The following INTS4 variants were observed in gnomAD, a reference collection of about 807,000 sequenced individuals.
The protein encoded by INTS4 is MSTP093.
A neutral mutation model predicts 119.5 loss-of-function variants in INTS4; 70 were observed. That is an observed-to-expected ratio of 0.59 (90% CI 0.48 to 0.71). The LOEUF is 0.71. INTS4 is among the 30% of genes least tolerant of loss of function. INTS4 has a pLI of 0.00. For synonymous variants in INTS4, 316 were observed against 419.6 expected, an observed-to-expected ratio of 0.75 and a Z score of 3.02; for missense variants, 867 against 1,173.2, an observed-to-expected ratio of 0.74 and a Z score of 3.81.
chr11:77,937,585 A>C (rs1953828217), intron 10 of INTS4, among the ~76,000 whole-genome samples: 1 of 152,058 alleles, frequency 6.6e-6, no homozygotes, highest in Non-Finnish European at 1.5e-5. Flanking sequence ...CTCTACAAAA[A>C]ATTAAAAAAT....
In INTS4 at chr11:77,979,115, A is replaced by T. The variant is rs769271225; in HGVS notation, c.365-13T>A. On this transcript the variant is annotated splice_polypyrimidine_tract_variant and intron_variant, in intron 3 of 22. Coordinates refer to ENST00000534064, the MANE Select transcript of INTS4 (RefSeq NM_033547.4). Reference sequence around the variant, plus strand: ...ACTTGATGAGACTCTAGAGAGGGAGATAGAAAGTTGGCTTGTAGAATTTCG... The same window carrying T: ...ACTTGATGAGACTCTAGAGAGGGAGTTAGAAAGTTGGCTTGTAGAATTTCG... 1.3e-6 allele frequency: 2 copies of T among 1,542,480 alleles called. No individual in the cohort carries two copies. Among genetic ancestry groups the T allele is most frequent in the Admixed American group, 3.3e-5 (2 of 59,826 alleles).
chr11:77,950,219 G>T (rs1394638334), intron 8 of INTS4, among the ~76,000 whole-genome samples: 2 of 152,152 alleles, frequency 1.3e-5, no homozygotes, highest in Non-Finnish European at 2.9e-5. Context: ...GACTGTCAGA[G>T]GGTGGGGGCT....
At chr11:77,944,175 T>G (rs1310616298) in intron 8 of INTS4, among the ~76,000 whole-genome samples, 1 of 152,154 alleles carries the variant, frequency 6.6e-6, no homozygotes, top group East Asian at 1.9e-4. Context: ...ATCAGAAAAT[T>G]TTTCATACTG....
chr11:77,886,042 C>CA (rs946348263), intron 21 of INTS4, among the ~76,000 whole-genome samples: 3 of 151,402 alleles, frequency 2.0e-5, no homozygotes, highest in Admixed American at 6.6e-5. Context: ...AATCTCCACA[C>CA]AAAAAAAATT....
intron 2 of INTS4, among the ~76,000 whole-genome samples, chr11:77,983,614 A>T (rs1451592602): frequency 6.6e-6 from 1 of 152,214 alleles, no homozygotes; most frequent in East Asian, 1.9e-4. Context: ...AGAAATGCAA[A>T]TCAAAACTAC....
intron 14 of INTS4, among the ~76,000 whole-genome samples, 165 bp downstream of exon 14, chr11:77,921,175 A>G (rs1287202098): frequency 1.5e-4 from 23 of 152,228 alleles, no homozygotes; most frequent in Admixed American, 1.5e-3. Context: ...GCTCACCTGT[A>G]ATCCCAGTGA....
At chr11:77,986,961 A>G (rs1856483798) in intron 2 of INTS4, 1 of 152,236 alleles carries the variant, frequency 6.6e-6, no homozygotes, top group Admixed American at 6.5e-5. Flanking sequence ...CGTTGTGCAC[A>G]TGTGCCCTAG....
intron 11 of INTS4, among the ~76,000 whole-genome samples, chr11:77,926,828 G>GAAAGGAAAGGAA (rs1953516560): frequency 6.8e-6 from 1 of 146,286 alleles, no homozygotes; most frequent in African/African-American, 2.5e-5. Flanking sequence ...AAAAAAAAAG[G>GAAAGGAAAGGAA]AAAGGAAAGG....
At chr11:77,929,920 G>A (rs1953605132) in intron 10 of INTS4, among the ~76,000 whole-genome samples, 1 of 152,138 alleles carries the variant, frequency 6.6e-6, no homozygotes, top group Admixed American at 6.5e-5. Context: ...TAGGGTATAG[G>A]TTTGGGTTCT....
intron 4 of INTS4, among the ~76,000 whole-genome samples, chr11:77,965,758 G>A (rs949175034): frequency 1.3e-5 from 2 of 152,034 alleles, no homozygotes; most frequent in African/African-American, 4.8e-5. Flanking sequence ...CCATACATTG[G>A]CTATTGTGAA....
downstream of INTS4, among the ~76,000 whole-genome samples, chr11:77,875,691 A>AAT (rs1314012588): frequency 1.3e-5 from 2 of 152,192 alleles, no homozygotes; most frequent in Non-Finnish European, 2.9e-5. Flanking sequence ...ATGTGTGAAG[A>AAT]ATATAGTATA....
At chr11:77,962,217 AG>A (rs1212371027) in intron 4 of INTS4, among the ~76,000 whole-genome samples, 3 of 152,180 alleles carry the variant, frequency 2.0e-5, no homozygotes, top group African/African-American at 7.2e-5. Context: ...TCGGAGGTGG[AG>A]GCTGCAGTGA....
chr11:77,921,293 T>C (rs1953355053), intron 14 of INTS4, 47 bp downstream of exon 14: 2 of 1,598,596 alleles, frequency 1.3e-6, no homozygotes, highest in Non-Finnish European at 1.7e-6. Context: ...AAAATAACCC[T>C]ACCCCATGCA....
intron 2 of INTS4, 82 bp downstream of exon 2, chr11:77,991,026 A>G (rs1197830052): frequency 1.7e-6 from 2 of 1,200,340 alleles, no homozygotes; most frequent in Non-Finnish European, 2.4e-6. Context: ...TGAATACCCT[A>G]TTTATTTGTA....
chr11:77,886,762 C>T (rs112173574), intron 21 of INTS4, among the ~76,000 whole-genome samples: 1,533 of 147,260 alleles, frequency 0.01, 31 homozygotes, highest in African/African-American at 0.034. Context: ...GGCGAGGGGG[C>T]GGGGCAGGGT....
At chr11:77,888,566 T>G (rs2136381532) in intron 21 of INTS4, among the ~76,000 whole-genome samples, 1 of 152,170 alleles carries the variant, frequency 6.6e-6, no homozygotes, top group African/African-American at 2.4e-5. Context: ...AGGCCAAAAT[T>G]GAGAAATGGG....
chr11:77,985,132 G>C (rs983896697), intron 2 of INTS4, among the ~76,000 whole-genome samples: 1 of 152,088 alleles, frequency 6.6e-6, no homozygotes. Flanking sequence ...AAACTGTCTT[G>C]GTTCAGGCTT....
intron 4 of INTS4, among the ~76,000 whole-genome samples, chr11:77,971,303 G>C (rs546902789): frequency 6.6e-6 from 1 of 151,318 alleles, no homozygotes; most frequent in African/African-American, 2.4e-5. Flanking sequence ...GTTTTTAATT[G>C]GGTTGTTTGT....
intron 8 of INTS4, among the ~76,000 whole-genome samples, chr11:77,953,148 T>C (rs1024420715): frequency 2.6e-5 from 4 of 152,172 alleles, no homozygotes; most frequent in Non-Finnish European, 5.9e-5. Flanking sequence ...CCATAAATAC[T>C]GGTCACAGGA....
Sources: allele counts gnomAD v4.1 joint callset (sites outside exome capture counted in the v4.1 genomes callset), GRCh38; gene constraint gnomAD v4.1.1; transcripts MANE v1.5; gene names NCBI Gene and HGNC (gene_info 2026-07-23, HGNC 2026-07-21).